The following FOCAD variants were observed in gnomAD, a reference collection of about 807,000 sequenced individuals.
The protein encoded by FOCAD is KIAA1797.
Under a neutral mutation model 225.6 loss-of-function variants are expected in FOCAD, and 198 were observed. That is an observed-to-expected ratio of 0.88 (90% CI 0.78 to 0.99). The LOEUF is 0.99. Ranked by LOEUF, FOCAD falls within the 50% of genes least tolerant of loss-of-function variation. The pLI, the probability that FOCAD is intolerant of heterozygous loss-of-function variation, is 0.00. For missense variants in FOCAD, 2,713 were observed against 2,123.6 expected, an observed-to-expected ratio of 1.28 and a Z score of -5.46; for synonymous variants, 897 against 755.0, an observed-to-expected ratio of 1.19 and a Z score of -3.08.
At chr9:20,833,039 G>C (rs753963307) in intron 15 of FOCAD, among the ~76,000 whole-genome samples, 1 of 152,000 alleles carries the variant, frequency 6.6e-6, no homozygotes, top group Non-Finnish European at 1.5e-5. Flanking sequence ...GGGATTGCTA[G>C]GTCATATGGT....
chr9:20,907,700 C>T (rs2132024257), intron 22 of FOCAD, among the ~76,000 whole-genome samples: 1 of 152,166 alleles, frequency 6.6e-6, no homozygotes. Context: ...TCCCTAACCT[C>T]TTAGCTTTTA....
intron 23 of FOCAD, among the ~76,000 whole-genome samples, chr9:20,914,496 C>T (rs1431347803): frequency 6.6e-6 from 1 of 152,106 alleles, no homozygotes; most frequent in Admixed American, 6.6e-5. Context: ...TTCAGGGTCT[C>T]TTTAATAATA....
rs568068902 is a variant in FOCAD at position 20,758,463 on chromosome 9, C to T, written c.494+272C>T. Among the ~76,000 whole-genome samples the T allele has an allele frequency of 1.3e-4, 20 of 151,834 alleles. No individual in the cohort carries two copies. In the East Asian group the frequency reaches 3.9e-3, roughly 30 times the overall value. ...ATGTGCCATGCTGGTGTGCTGCACCCATTAACTCGTCATTTAGCATTAGGT... is the reference window on the plus strand; with the variant it reads ...ATGTGCCATGCTGGTGTGCTGCACCTATTAACTCGTCATTTAGCATTAGGT... On this transcript the variant is annotated intron_variant, in intron 6 of 43. Coordinates refer to ENST00000338382, the MANE Select transcript of FOCAD (RefSeq NM_001375567.1).
intron 4 of FOCAD, 144 bp downstream of exon 4, chr9:20,720,678 A>G (rs989008717): frequency 1.1e-5 from 9 of 788,474 alleles, no homozygotes; most frequent in Admixed American, 8.6e-5. Context: ...TGTTTCATAT[A>G]TGAAAATATC....
chr9:20,677,883 T>G (rs1448000966), intron 2 of FOCAD, among the ~76,000 whole-genome samples: 3 of 152,228 alleles, frequency 2.0e-5, no homozygotes, highest in East Asian at 1.9e-4. Context: ...ATCTGCACTT[T>G]TGTTCACTGC....
At chr9:20,838,567 A>T (rs1409037660) in intron 15 of FOCAD, among the ~76,000 whole-genome samples, 1 of 152,142 alleles carries the variant, frequency 6.6e-6, no homozygotes, top group African/African-American at 2.4e-5. Context: ...TTTATGCTAC[A>T]CTTGTAACCT....
At chr9:20,826,318 TC>T (rs1381531244) in intron 15 of FOCAD, among the ~76,000 whole-genome samples, 1 of 152,098 alleles carries the variant, frequency 6.6e-6, no homozygotes, top group African/African-American at 2.4e-5. Flanking sequence ...TGCTGAGTCT[TC>T]CAGTCTTCAT....
At chr9:20,677,206 T>C (rs948363638) in intron 2 of FOCAD, among the ~76,000 whole-genome samples, 1 of 152,190 alleles carries the variant, frequency 6.6e-6, no homozygotes, top group Admixed American at 6.5e-5. Context: ...CCTCACCCCA[T>C]GTGATAAAGT....
chr9:20,682,520 T>G (rs376076134), upstream of FOCAD, among the ~76,000 whole-genome samples: 1 of 152,352 alleles, frequency 6.6e-6, no homozygotes, highest in East Asian at 1.9e-4. Flanking sequence ...TTCTGTGGAT[T>G]AAATAAATTT....
At chr9:20,794,738 T>A (rs1388053896) in intron 11 of FOCAD, among the ~76,000 whole-genome samples, 2 of 152,202 alleles carry the variant, frequency 1.3e-5, no homozygotes, top group Non-Finnish European at 2.9e-5. Flanking sequence ...CTTAGATTTC[T>A]CATTAATAGC....
chr9:20,848,949 AT>A (rs35041575), intron 15 of FOCAD, among the ~76,000 whole-genome samples: 3,489 of 151,908 alleles, frequency 0.023, 119 homozygotes, highest in African/African-American at 0.076. Context: ...TATTGGGTAG[AT>A]TTGCATTTCT....
chr9:20,987,996 A>G (rs531850705), intron 40 of FOCAD, among the ~76,000 whole-genome samples: 1 of 152,248 alleles, frequency 6.6e-6, no homozygotes, highest in Non-Finnish European at 1.5e-5. Context: ...TCAACAATTC[A>G]ACATTGCTAG....
chr9:20,795,509 G>A (rs1337036115), intron 11 of FOCAD, among the ~76,000 whole-genome samples: 1 of 150,848 alleles, frequency 6.6e-6, no homozygotes, highest in African/African-American at 2.4e-5. Flanking sequence ...TTTTGGGCCG[G>A]GCACGCTGGC....
chr9:20,751,668 T>C (rs1047565183), intron 5 of FOCAD, among the ~76,000 whole-genome samples: 1 of 148,096 alleles, frequency 6.8e-6, no homozygotes, highest in Non-Finnish European at 1.5e-5. Context: ...TTTGGGTATA[T>C]ACCCAGTAAT....
rs1219422257 is a variant in FOCAD at position 20,833,226 on chromosome 9, AAT to A, written c.1920+10112_1920+10113del. Among the ~76,000 whole-genome samples the A allele has an allele frequency of 2.0e-5, 3 of 152,016 alleles. No individual in the cohort carries two copies. In the East Asian group the frequency reaches 5.8e-4, roughly 29 times the overall value. ...TGAGGTGATATCTCATAGTGGTTTT[AAT>A]TTGAATTTCCCTCATGATTAGTGAT... On this transcript the variant is annotated intron_variant, in intron 15 of 43. Coordinates refer to ENST00000338382, the MANE Select transcript of FOCAD (RefSeq NM_001375567.1).
At chr9:20,862,030 T>A (rs543794046) in intron 15 of FOCAD, among the ~76,000 whole-genome samples, 2 of 152,108 alleles carry the variant, frequency 1.3e-5, no homozygotes, top group African/African-American at 4.8e-5. Flanking sequence ...GAATTAACTT[T>A]TAAGACATCT....
rs200589816 is a variant in FOCAD at position 20,944,702 on chromosome 9, C to T, written c.3483C>T (p.His1161=). ...GCAGCCAAATGCAGTCCCGCGTTCA[C>T]GTAGCAGCATTGCTCCGGAAGCTGT... The part of the protein sequence containing the change: ...SHSSQMQSRV[H]VAALLRKLSA... The change falls in exon 29 of 44, where the codon CAC becomes CAT. Residue 1161 remains histidine, a synonymous_variant. Coordinates refer to ENST00000338382, the MANE Select transcript of FOCAD (RefSeq NM_001375567.1). The T allele has an allele frequency of 9.3e-6, 15 of 1,614,114 alleles. No homozygotes were observed. The highest frequency in any genetic ancestry group is 4.5e-5 in the East Asian group (2 of 44,874).
chr9:20,730,792 A>G (rs1371965104), intron 4 of FOCAD, among the ~76,000 whole-genome samples: 6 of 152,276 alleles, frequency 3.9e-5, no homozygotes, highest in Non-Finnish European at 7.4e-5. Context: ...GTCATGGGCA[A>G]TCCTCATAGC....
At chr9:20,744,592 C>CAAGA (rs1328947716) in intron 5 of FOCAD, among the ~76,000 whole-genome samples, 1 of 152,118 alleles carries the variant, frequency 6.6e-6, no homozygotes, top group Non-Finnish European at 1.5e-5. Flanking sequence ...ACATTAGAGC[C>CAAGA]CTCTTAGGAG....
Sources: allele counts gnomAD v4.1 joint callset (sites outside exome capture counted in the v4.1 genomes callset), GRCh38; gene constraint gnomAD v4.1.1; transcripts MANE v1.5; gene names NCBI Gene and HGNC (gene_info 2026-07-23, HGNC 2026-07-21).